Variants in SMC6 observed in about 807,000 individuals in gnomAD.
SMC6 encodes structural maintenance of chromosomes protein 6.
Under a neutral mutation model 142.2 loss-of-function variants are expected in SMC6, and 79 were observed. The ratio of observed to expected loss-of-function variants is 0.56; its 90% CI spans 0.46 to 0.67. The LOEUF (loss-of-function observed/expected upper bound fraction) is 0.67. Ranked by LOEUF, SMC6 falls within the 30% of genes least tolerant of loss-of-function variation. The probability of loss-of-function intolerance (pLI) is 0.00; values close to 1 mark genes in which losing one functional copy is unlikely to be tolerated. For synonymous variants in SMC6, 411 were observed against 412.4 expected (o/e 1.00, Z 0.04); for missense variants, 1,072 against 1,284.0 (o/e 0.83, Z 2.52).
chr2:17,690,399 C>T (rs1439070238), intron 23 of SMC6, among the ~76,000 whole-genome samples: 22 of 152,104 alleles, frequency 1.4e-4, no homozygotes, highest in Admixed American at 1.4e-3. Flanking sequence ...TCGAGACCTG[C>T]CTGGTCAACA....
intron 7 of SMC6, among the ~76,000 whole-genome samples, chr2:17,727,757 C>CA (rs1221945219): frequency 9.2e-5 from 14 of 152,162 alleles, no homozygotes; most frequent in African/African-American, 3.1e-4. Flanking sequence ...TTAAACCCTT[C>CA]ATGTTCACTG....
intron 2 of SMC6, among the ~76,000 whole-genome samples, chr2:17,748,851 C>T (rs78144901): frequency 0.018 from 2,811 of 152,260 alleles, 49 homozygotes; most frequent in South Asian, 0.03. Flanking sequence ...TAATGGATAA[C>T]GCACTAGGGA....
Position 17,721,153 on chromosome 2 carries a change from C to A in SMC6, c.835G>T (p.Ala279Ser), listed in dbSNP as rs1400628633. 6.2e-7 allele frequency: 1 copy of A among 1,611,024 alleles called. No individual in the cohort carries two copies. Among genetic ancestry groups the A allele is most frequent in the Non-Finnish European group, 8.5e-7 (1 of 1,179,078 alleles). The change falls in exon 10 of 28, where the codon GCT becomes TCT. Residue 279 changes from alanine (A) to serine (S), a missense_variant. Physicochemically the swap from Ala to Ser is moderately conservative, Grantham distance 99. Transcript: ENST00000448223. ...TAAGTGATAATTACCACTGCCCAAG[C>A]CATTTCATGTTTCAAGGACTCTAAA... is the stretch of plus-strand genomic sequence containing the variant. Reference protein sequence around the residue: ...TNLESLKHEMAWAVVNEIEKQ... With the variant: ...TNLESLKHEMSWAVVNEIEKQ...
chr2:17,670,049 G>C (rs2103467628), intron 26 of SMC6, among the ~76,000 whole-genome samples: 1 of 152,284 alleles, frequency 6.6e-6, no homozygotes, highest in Non-Finnish European at 1.5e-5. Flanking sequence ...CAGTGGCTAG[G>C]GTGAGTCAAA....
chr2:17,695,111 A>T, intron 23 of SMC6, 41 bp downstream of exon 23: 1 of 1,603,784 alleles, frequency 6.2e-7, no homozygotes, highest in East Asian at 2.2e-5. Flanking sequence ...GATGATATGC[A>T]TGAATAATGT....
chr2:17,693,432 AACT>A (rs1369913693), intron 23 of SMC6, among the ~76,000 whole-genome samples: 1 of 152,190 alleles, frequency 6.6e-6, no homozygotes, highest in Non-Finnish European at 1.5e-5. Flanking sequence ...ATTCTCAGCA[AACT>A]ATCACAAGGA....
intron 22 of SMC6, 146 bp from the exon 23 acceptor site, chr2:17,695,443 A>G: frequency 1.5e-6 from 1 of 653,516 alleles, no homozygotes; most frequent in Non-Finnish European, 2.5e-6. Context: ...TGTTATTTAT[A>G]TTTATCTAAG....
chr2:17,672,833 T>C (rs1666827831), intron 25 of SMC6, among the ~76,000 whole-genome samples: 1 of 152,170 alleles, frequency 6.6e-6, no homozygotes. Flanking sequence ...ATTTATCCAT[T>C]TGACTCTAGG....
intron 23 of SMC6, among the ~76,000 whole-genome samples, chr2:17,692,502 T>C (rs1297866479): frequency 6.6e-6 from 1 of 152,184 alleles, no homozygotes; most frequent in Non-Finnish European, 1.5e-5. Flanking sequence ...TGGCTAGCCA[T>C]ATGTAGAAAG....
chr2:17,677,646 T>C (rs889227099), intron 25 of SMC6, among the ~76,000 whole-genome samples: 4 of 152,230 alleles, frequency 2.6e-5, no homozygotes, highest in Non-Finnish European at 5.9e-5. Flanking sequence ...CTGGCTTTTT[T>C]ATAGTCTGCA....
intron 22 of SMC6, 22 bp from the exon 23 acceptor site, chr2:17,695,319 T>A (rs760674506): frequency 6.3e-7 from 1 of 1,596,110 alleles, no homozygotes; most frequent in South Asian, 1.1e-5. Context: ...GATGTTTATA[T>A]CTTTAAAACT....
rs1291526061 is a variant in SMC6, at chr2:17,725,256, C to T, written c.726+1G>A. ...AAGATTTACATTAACTGTTTACAAACCTCTTCTCCTTGATGTATCTGCTCC... is the reference window on the plus strand; with the variant it reads ...AAGATTTACATTAACTGTTTACAAATCTCTTCTCCTTGATGTATCTGCTCC... On this transcript the variant is annotated splice_donor_variant, in intron 9 of 27. Transcript: ENST00000448223. LOFTEE classifies it high-confidence loss of function. 6.3e-7 allele frequency: 1 copy of T among 1,599,370 alleles called. No homozygotes were observed. Among genetic ancestry groups the T allele is most frequent in the South Asian group, 1.1e-5 (1 of 88,498 alleles).
At chr2:17,709,103 C>T (rs73921049) in intron 16 of SMC6, among the ~76,000 whole-genome samples, 1,979 of 152,096 alleles carry the variant, frequency 0.013, 22 homozygotes, top group East Asian at 0.031. Context: ...TGTTCCCCAA[C>T]GTCATGAAGC....
At chr2:17,699,917 GTC>G (rs1035072218) in intron 21 of SMC6, among the ~76,000 whole-genome samples, 4 of 151,882 alleles carry the variant, frequency 2.6e-5, no homozygotes, top group African/African-American at 9.7e-5. Flanking sequence ...CGTACGAGAC[GTC>G]TCTGCTCCTG....
At chr2:17,701,764 G>T in intron 20 of SMC6, 65 bp downstream of exon 20, 1 of 925,798 alleles carries the variant, frequency 1.1e-6, no homozygotes, top group Non-Finnish European at 1.6e-6. Flanking sequence ...CTGAGTTGAT[G>T]CCATTAACCT....
intron 12 of SMC6, 60 bp downstream of exon 12, chr2:17,718,017 G>A: frequency 6.8e-7 from 1 of 1,478,024 alleles, no homozygotes; most frequent in Non-Finnish European, 9.1e-7. Context: ...AAGGATAGAA[G>A]AACAGCCTTT....
intron 4 of SMC6, among the ~76,000 whole-genome samples, chr2:17,739,218 C>T (rs1027072269): frequency 3.3e-5 from 5 of 152,122 alleles, no homozygotes; most frequent in Admixed American, 2.0e-4. Flanking sequence ...TAAAATATTA[C>T]AAGCTGAGGG....
At chr2:17,683,818 C>T in intron 23 of SMC6, 55 bp from the exon 24 acceptor site, 1 of 1,511,782 alleles carries the variant, frequency 6.6e-7, no homozygotes, top group Non-Finnish European at 9.1e-7. Context: ...AAAAACATAA[C>T]AGTAGAATCT....
At chr2:17,691,274 C>A (rs577906879) in intron 23 of SMC6, among the ~76,000 whole-genome samples, 4 of 137,874 alleles carry the variant, frequency 2.9e-5, no homozygotes, top group African/African-American at 7.9e-5. Context: ...GAATACTATT[C>A]AGCTACAAAA....
Sources: allele counts gnomAD v4.1 joint callset (sites outside exome capture counted in the v4.1 genomes callset), GRCh38; gene constraint gnomAD v4.1.1; transcripts MANE v1.5; gene names NCBI Gene and HGNC (gene_info 2026-07-23, HGNC 2026-07-21).